The following UBE2H variants were observed in gnomAD, a reference collection of about 807,000 sequenced individuals.
The protein encoded by UBE2H is ubiquitin conjugating enzyme E2 H, also known as ubiquitin-conjugating enzyme E2 H.
A neutral mutation model predicts 29.0 loss-of-function variants in UBE2H; 3 were observed. That is an observed-to-expected ratio of 0.10 (90% CI 0.05 to 0.27). The LOEUF is 0.27. UBE2H is among the 10% of genes least tolerant of loss of function. UBE2H has a pLI of 1.00. For synonymous variants in UBE2H, 69 were observed against 82.9 expected (o/e 0.83, Z 0.91); for missense variants, 68 against 228.2 (o/e 0.30, Z 4.52).
At chr7:129,837,237 G>A (rs1042538462) in intron 6 of UBE2H, among the ~76,000 whole-genome samples, 2 of 152,208 alleles carry the variant, frequency 1.3e-5, no homozygotes, top group African/African-American at 4.8e-5. Flanking sequence ...GGGACTGACT[G>A]AAGCTGTGAG....
chr7:129,890,374 C>T (rs1806458845), intron 1 of UBE2H, among the ~76,000 whole-genome samples: 1 of 151,128 alleles, frequency 6.6e-6, no homozygotes, highest in South Asian at 2.1e-4. Context: ...TATATACACA[C>T]ACTTATATAT....
intron 1 of UBE2H, among the ~76,000 whole-genome samples, chr7:129,925,346 C>CG (rs1807244813): frequency 6.8e-6 from 1 of 147,414 alleles, no homozygotes; most frequent in African/African-American, 2.5e-5. Flanking sequence ...GACTCAGTCT[C>CG]GAAAAAAAAA....
intron 1 of UBE2H, among the ~76,000 whole-genome samples, chr7:129,885,050 G>A (rs1295413602): frequency 4.0e-5 from 6 of 149,380 alleles, no homozygotes; most frequent in Non-Finnish European, 7.4e-5. Flanking sequence ...CTGAGAGAGA[G>A]AGAACTTCTC....
intron 1 of UBE2H, among the ~76,000 whole-genome samples, chr7:129,949,756 C>T (rs1807836455): frequency 1.3e-5 from 2 of 152,262 alleles, no homozygotes; most frequent in Non-Finnish European, 1.5e-5. Flanking sequence ...CTCCCTACCC[C>T]CACACTGCTA....
At chr7:129,936,588 C>T (rs1253755153) in intron 1 of UBE2H, among the ~76,000 whole-genome samples, 1 of 104,968 alleles carries the variant, frequency 9.5e-6, no homozygotes, top group Non-Finnish European at 2.1e-5. Context: ...AGCCAGACTC[C>T]ATCTCAAAAA....
At position 129,890,962 on chromosome 7, in the gene UBE2H, G is replaced by A. The variant is rs374206415; in HGVS notation, c.54-9991C>T. Among the ~76,000 whole-genome samples the A allele has an allele frequency of 1.1e-4, 16 of 151,500 alleles. No homozygotes were observed. In the East Asian group the frequency reaches 1.8e-3, roughly 17 times the overall value. On this transcript the variant is annotated intron_variant, in intron 1 of 6. Transcript: ENST00000355621. ...AGCCTGGCCAAAATAGTGAAACCCC[G>A]TCTCTACTAAAAATACAAAACAAAT...
chr7:129,857,197 T>C (rs1805721242), intron 5 of UBE2H: 1 of 260,778 alleles, frequency 3.8e-6, no homozygotes, highest in Admixed American at 5.4e-5. Context: ...ATGTATATAT[T>C]ATGTGCTAAT....
At chr7:129,943,040 G>A (rs1807680228) in intron 1 of UBE2H, among the ~76,000 whole-genome samples, 1 of 151,800 alleles carries the variant, frequency 6.6e-6, no homozygotes, top group Non-Finnish European at 1.5e-5. Context: ...ATGGGGTTTC[G>A]CCATGTTGGC....
intron 1 of UBE2H, among the ~76,000 whole-genome samples, chr7:129,897,635 A>C (rs968331958): frequency 6.6e-6 from 1 of 152,252 alleles, no homozygotes; most frequent in Non-Finnish European, 1.5e-5. Flanking sequence ...ACTAGACAGA[A>C]TGCTAAATGC....
chr7:129,945,798 T>C (rs1351579008), intron 1 of UBE2H, among the ~76,000 whole-genome samples: 1 of 152,024 alleles, frequency 6.6e-6, no homozygotes, highest in South Asian at 2.1e-4. Flanking sequence ...TGGAGTGCAA[T>C]GGCGCAATCT....
At chr7:129,862,143 G>A (rs1232281257) in intron 3 of UBE2H, among the ~76,000 whole-genome samples, 1 of 152,162 alleles carries the variant, frequency 6.6e-6, no homozygotes, top group East Asian at 1.9e-4. Flanking sequence ...CTGCAGGGAA[G>A]CTTTCTGATG....
At position 129,887,728 on chromosome 7, in the gene UBE2H, C is replaced by T. The variant is rs550421178; in HGVS notation, c.54-6757G>A. Among the ~76,000 whole-genome samples, 55 of 151,796 alleles carry T rather than the reference C, an allele frequency of 3.6e-4. No homozygotes were observed. The South Asian group carries it at 8.9e-3, about 25-fold the overall frequency. On this transcript the variant is annotated intron_variant, in intron 1 of 6. Coordinates refer to ENST00000355621, the MANE Select transcript of UBE2H (RefSeq NM_003344.4). Reference sequence around the variant, plus strand: ...CAGCCTGACCAGCATGGAGAAACCCCGTCCCTACTAAAAATACGAAATTAG... The same window carrying T: ...CAGCCTGACCAGCATGGAGAAACCCTGTCCCTACTAAAAATACGAAATTAG...
At chr7:129,895,931 C>T (rs1332661030) in intron 1 of UBE2H, among the ~76,000 whole-genome samples, 1 of 152,062 alleles carries the variant, frequency 6.6e-6, no homozygotes, top group Non-Finnish European at 1.5e-5. Flanking sequence ...TGTGTCTTTG[C>T]TATACCACTC....
intron 1 of UBE2H, among the ~76,000 whole-genome samples, chr7:129,931,247 G>A (rs1001994597): frequency 1.3e-5 from 2 of 150,816 alleles, no homozygotes; most frequent in East Asian, 1.9e-4. Flanking sequence ...AAATTGCCAC[G>A]CGTGGTGGTA....
chr7:129,933,592 C>T (rs896191523), intron 1 of UBE2H, among the ~76,000 whole-genome samples: 3 of 152,150 alleles, frequency 2.0e-5, no homozygotes, highest in South Asian at 2.1e-4. Flanking sequence ...AACAAACACA[C>T]GTTACATGTG....
chr7:129,927,373 C>G (rs1360499049), intron 1 of UBE2H, among the ~76,000 whole-genome samples: 1 of 152,130 alleles, frequency 6.6e-6, no homozygotes, highest in Non-Finnish European at 1.5e-5. Flanking sequence ...AACCCCGTCT[C>G]TACTAAAAAT....
At chr7:129,882,651 C>T (rs1806278093) in intron 1 of UBE2H, among the ~76,000 whole-genome samples, 1 of 152,212 alleles carries the variant, frequency 6.6e-6, no homozygotes, top group Non-Finnish European at 1.5e-5. Context: ...TCAATACTGT[C>T]CACATAGGAA....
At chr7:129,885,989 A>G (rs1361631444) in intron 1 of UBE2H, among the ~76,000 whole-genome samples, 2 of 152,204 alleles carry the variant, frequency 1.3e-5, no homozygotes, top group Non-Finnish European at 2.9e-5. Context: ...GGCAGGTTAA[A>G]ATGACAAAAA....
At chr7:129,876,032 T>A (rs1357075373) in intron 3 of UBE2H, among the ~76,000 whole-genome samples, 2 of 152,220 alleles carry the variant, frequency 1.3e-5, no homozygotes. Context: ...TAAATTGAGG[T>A]GCTGACTCAC....
Sources: gnomAD v4.1 joint callset for allele counts (sites outside exome capture counted in the v4.1 genomes callset) on GRCh38, gnomAD v4.1.1 for gene constraint, MANE v1.5 for transcripts, NCBI Gene and HGNC (gene_info 2026-07-23, HGNC 2026-07-21) for gene names.